The following STMN2 variants were observed in gnomAD, a reference collection of about 807,000 sequenced individuals.
The protein encoded by STMN2 is stathmin 2.
A neutral mutation model predicts 24.1 loss-of-function variants in STMN2; 2 were observed. That is an observed-to-expected ratio of 0.08 (90% CI 0.03 to 0.26). STMN2 has a LOEUF of 0.26. STMN2 is among the 10% of genes least tolerant of loss of function. STMN2 has a pLI of 1.00. For missense variants in STMN2, 114 were observed against 213.6 expected (o/e 0.53, Z 2.91); for synonymous variants, 83 against 77.5 (o/e 1.07, Z -0.37).
At chr8:79,621,016 T>A in intron 1 of STMN2, 1 of 985,286 alleles carries the variant, frequency 1.0e-6, no homozygotes, top group Non-Finnish European at 1.2e-6. Flanking sequence ...AGTTACGTCC[T>A]CTGTGGAGCT....
intron 4 of STMN2, among the ~76,000 whole-genome samples, chr8:79,662,848 G>A (rs940465219): frequency 6.6e-6 from 1 of 151,978 alleles, no homozygotes; most frequent in South Asian, 2.1e-4. Context: ...CATAGTGATG[G>A]TCTGGGCTTT....
At chr8:79,656,784 C>G (rs1159827051) in intron 4 of STMN2, among the ~76,000 whole-genome samples, 1 of 152,180 alleles carries the variant, frequency 6.6e-6, no homozygotes, top group Non-Finnish European at 1.5e-5. Flanking sequence ...CTCAATTAGG[C>G]CTCAATGCAA....
At chr8:79,611,809 AG>A in intron 1 of STMN2, 1 of 577,722 alleles carries the variant, frequency 1.7e-6, no homozygotes, top group East Asian at 1.7e-4. Context: ...GGCGGGGGAC[AG>A]GGTGGGGGTA....
chr8:79,641,628 G>GCGCACACACA (rs767739163), intron 3 of STMN2, 78 bp downstream of exon 3: 4 of 431,692 alleles, frequency 9.3e-6, no homozygotes, highest in African/African-American at 4.4e-5. Flanking sequence ...ACACATGCAC[G>GCGCACACACA]CACACACACA....
At chr8:79,613,953 T>C (rs937409023) in intron 1 of STMN2, among the ~76,000 whole-genome samples, 3 of 152,180 alleles carry the variant, frequency 2.0e-5, no homozygotes, top group African/African-American at 7.2e-5. Flanking sequence ...AATACACATA[T>C]ATAATTGAGA....
intron 4 of STMN2, chr8:79,663,698 T>G: frequency 7.1e-7 from 1 of 1,417,440 alleles, no homozygotes; most frequent in African/African-American, 1.4e-5. Flanking sequence ...ATAATACTAC[T>G]AATAATTAGC....
chr8:79,633,175 G>T (rs1371205408), intron 1 of STMN2, among the ~76,000 whole-genome samples: 1 of 152,192 alleles, frequency 6.6e-6, no homozygotes, highest in Non-Finnish European at 1.5e-5. Context: ...TCACAGGAGA[G>T]TGTGCCTTTG....
At chr8:79,653,668 T>C (rs1407114504) in intron 3 of STMN2, among the ~76,000 whole-genome samples, 1 of 152,244 alleles carries the variant, frequency 6.6e-6, no homozygotes, top group Non-Finnish European at 1.5e-5. Flanking sequence ...TAAAATGTTT[T>C]CCCACTAATG....
intron 1 of STMN2, among the ~76,000 whole-genome samples, chr8:79,621,758 A>G (rs1281332586): frequency 1.3e-5 from 2 of 152,208 alleles, no homozygotes; most frequent in Non-Finnish European, 2.9e-5. Context: ...TGAAAATATG[A>G]GAGGGCTGAT....
Position 79,665,035 on chromosome 8 carries a change from C to A in STMN2, c.*161C>A, listed in dbSNP as rs1806574355. The A allele has an allele frequency of 3.8e-6, 2 of 527,752 alleles. No individual in the cohort carries two copies. The highest frequency in any genetic ancestry group is 5.9e-6 in the Non-Finnish European group (2 of 339,770). The allele number at this position is 527,752 out of a possible 1,614,324, so 32.7% of individuals were successfully genotyped here. ...AATCAAAAATTAAAAAAAATCAATG[C>A]GGTCTCTTTGCAGAATGTTTTGCTT... On this transcript the variant is annotated 3_prime_UTR_variant, in exon 5 of 5. Transcript: ENST00000220876.
intron 3 of STMN2, among the ~76,000 whole-genome samples, chr8:79,643,488 T>A (rs907852052): frequency 2.6e-5 from 4 of 152,032 alleles, no homozygotes; most frequent in African/African-American, 7.2e-5. Flanking sequence ...TATATTGAGA[T>A]GCTATGACTT....
chr8:79,660,955 C>G (rs981833306), intron 4 of STMN2, among the ~76,000 whole-genome samples: 28 of 152,110 alleles, frequency 1.8e-4, no homozygotes, highest in African/African-American at 6.8e-4. Context: ...CAGCTCCACC[C>G]AAGTTGCTGC....
chr8:79,630,220 A>G (rs1809766576), intron 1 of STMN2, among the ~76,000 whole-genome samples: 1 of 152,196 alleles, frequency 6.6e-6, no homozygotes, highest in Non-Finnish European at 1.5e-5. Flanking sequence ...TGGTTAATTC[A>G]AACAGAAAAG....
rs915589598 is a variant in STMN2, at chr8:79,657,381, T to C, written c.480+2319T>C. 3.3e-5 allele frequency among the ~76,000 whole-genome samples: 5 copies of C among 152,204 alleles called. No homozygotes were observed. In the East Asian group the frequency reaches 9.6e-4, roughly 29 times the overall value. On this transcript the variant is annotated intron_variant, in intron 4 of 4. Transcript: ENST00000220876. ...GTGCCCTCCCCCATACATGCATACATGTACATCTGCACACCACTTTTCCTG... is the reference window on the plus strand; with the variant it reads ...GTGCCCTCCCCCATACATGCATACACGTACATCTGCACACCACTTTTCCTG...
chr8:79,659,417 G>A (rs1468402817), intron 4 of STMN2, among the ~76,000 whole-genome samples: 3 of 152,086 alleles, frequency 2.0e-5, no homozygotes, highest in South Asian at 2.1e-4. Flanking sequence ...AAGAGAGGGG[G>A]AAACACCTGT....
chr8:79,651,392 A>G (rs1049865023), intron 3 of STMN2, among the ~76,000 whole-genome samples: 1 of 152,218 alleles, frequency 6.6e-6, no homozygotes, highest in East Asian at 1.9e-4. Flanking sequence ...AACTGAGCCA[A>G]ATGTTGCACT....
chr8:79,616,607 A>G (rs1255756664), intron 1 of STMN2, among the ~76,000 whole-genome samples: 1 of 152,208 alleles, frequency 6.6e-6, no homozygotes. Context: ...TGACCACTAA[A>G]CACATCAGTT....
At chr8:79,640,962 T>C (rs1033705596) in intron 2 of STMN2, among the ~76,000 whole-genome samples, 5 of 152,212 alleles carry the variant, frequency 3.3e-5, no homozygotes, top group African/African-American at 1.2e-4. Context: ...AACTCCGTTA[T>C]GTTTCTCGTC....
At chr8:79,656,546 C>T (rs956102536) in intron 4 of STMN2, among the ~76,000 whole-genome samples, 8 of 152,146 alleles carry the variant, frequency 5.3e-5, no homozygotes, top group African/African-American at 1.7e-4. Flanking sequence ...CTAAAGTTTA[C>T]TCCCCTGACC....
Sources: allele counts gnomAD v4.1 joint callset (sites outside exome capture counted in the v4.1 genomes callset), GRCh38; gene constraint gnomAD v4.1.1; transcripts MANE v1.5; gene names NCBI Gene and HGNC (gene_info 2026-07-23, HGNC 2026-07-21).